The following DYRK1A variants were observed in gnomAD, a reference collection of about 807,000 sequenced individuals.
DYRK1A encodes dual specificity tyrosine phosphorylation regulated kinase 1A, also known as dual specificity tyrosine-phosphorylation-regulated kinase 1A.
In DYRK1A, 9 loss-of-function variants were observed where a neutral mutation model predicts 79.7. The ratio of observed to expected loss-of-function variants is 0.11; its 90% CI spans 0.07 to 0.20. The LOEUF is 0.20. Among genes scored for constraint, DYRK1A ranks in the 10% least tolerant of loss-of-function variants. DYRK1A has a pLI of 1.00. For missense variants in DYRK1A, 622 were observed against 956.0 expected (o/e 0.65, Z 4.61); for synonymous variants, 349 against 329.7 (o/e 1.06, Z -0.63).
At chr21:37,469,611 A>G (rs1183540187) in intron 2 of DYRK1A, among the ~76,000 whole-genome samples, 1 of 152,312 alleles carries the variant, frequency 6.6e-6, no homozygotes, top group Admixed American at 6.5e-5. Context: ...CAATCATGGC[A>G]GAAGGCGTTG....
At chr21:37,467,944 A>G (rs918068905) in intron 2 of DYRK1A, among the ~76,000 whole-genome samples, 5 of 152,162 alleles carry the variant, frequency 3.3e-5, no homozygotes, top group East Asian at 1.9e-4. Context: ...ACATGTGGCT[A>G]TTTGCTACAT....
chr21:37,397,419 T>G (rs1025033816), intron 1 of DYRK1A, among the ~76,000 whole-genome samples: 10 of 152,202 alleles, frequency 6.6e-5, no homozygotes, highest in Non-Finnish European at 1.2e-4. Flanking sequence ...AACCTAAAAC[T>G]AACCAGCCCT....
rs1461039855 is a variant in DYRK1A, at chr21:37,506,214, C to T, written c.1635C>T (p.His545=). Residue 545 remains histidine (H), a synonymous_variant, in exon 11 of 12, where the codon CAC becomes CAT. Coordinates refer to ENST00000647188, the MANE Select transcript of DYRK1A (RefSeq NM_001347721.2). ...TGCAGGCCATGGACTGCGAGACACA[C>T]AGTCCCCAGGTGAGCTCGCACGTGG... The part of the protein sequence containing the change: ...AAVQAMDCET[H]SPQVRQQFPA... 1 of 1,613,992 alleles carries T rather than the reference C, an allele frequency of 6.2e-7. No individual in the cohort carries two copies. The highest frequency in any genetic ancestry group is 8.5e-7 in the Non-Finnish European group (1 of 1,180,026).
intron 1 of DYRK1A, among the ~76,000 whole-genome samples, chr21:37,393,717 AT>A (rs914450644): frequency 3.7e-4 from 57 of 152,248 alleles, no homozygotes; most frequent in African/African-American, 1.3e-3. Context: ...AACAATATTC[AT>A]TTCTTTGCTC....
At chr21:37,407,258 G>GC (rs2050165687) in intron 1 of DYRK1A, among the ~76,000 whole-genome samples, 1 of 152,140 alleles carries the variant, frequency 6.6e-6, no homozygotes, top group South Asian at 2.1e-4. Context: ...ACTGTAGACA[G>GC]CCTGAAGGTA....
At chr21:37,405,390 T>C (rs1384488693) in intron 1 of DYRK1A, among the ~76,000 whole-genome samples, 1 of 152,212 alleles carries the variant, frequency 6.6e-6, no homozygotes, top group African/African-American at 2.4e-5. Flanking sequence ...TCTTCAACTA[T>C]AGGGAGCGAG....
chr21:37,451,512 T>G (rs1048645366), intron 2 of DYRK1A, among the ~76,000 whole-genome samples: 9 of 152,142 alleles, frequency 5.9e-5, no homozygotes, highest in African/African-American at 2.2e-4. Flanking sequence ...ACAGTTGCCC[T>G]CATTATTCAG....
intron 2 of DYRK1A, among the ~76,000 whole-genome samples, chr21:37,434,430 CT>C (rs1374562404): frequency 6.6e-6 from 1 of 152,152 alleles, no homozygotes; most frequent in Non-Finnish European, 1.5e-5. Context: ...AAGCATTTCT[CT>C]GAATATGTGA....
chr21:37,430,194 C>G (rs1171434246), intron 2 of DYRK1A: 1 of 677,194 alleles, frequency 1.5e-6, no homozygotes, highest in South Asian at 6.7e-5. Flanking sequence ...CCACCAGTTA[C>G]TTCCAGCTTG....
chr21:37,426,916 T>TCCC lies in DYRK1A; in HGVS notation c.10+6532_10+6533insCCC, dbSNP rs113094989. On this transcript the variant is annotated intron_variant, in intron 2 of 11. Coordinates refer to ENST00000647188, the MANE Select transcript of DYRK1A (RefSeq NM_001347721.2). Reference sequence around the variant, plus strand: ...GCTTGGGCTAAAGAGCGAGACTCGGTTCTAAAAAAAAAAAAAAAAGAGATG... The same window carrying TCCC: ...GCTTGGGCTAAAGAGCGAGACTCGGTCCCTCTAAAAAAAAAAAAAAAAGAGATG... Among the ~76,000 whole-genome samples the TCCC allele has an allele frequency of 2.4e-5, 3 of 122,844 alleles. No individual in the cohort carries two copies. In the Admixed American group the frequency reaches 2.5e-4, roughly 10 times the overall value. 80.6% of individuals were successfully genotyped at this position (122,844 alleles called of 152,430 possible).
chr21:37,463,909 TAATTA>T (rs1387489064), intron 2 of DYRK1A, among the ~76,000 whole-genome samples: 1 of 152,218 alleles, frequency 6.6e-6, no homozygotes, highest in Non-Finnish European at 1.5e-5. Context: ...GCTATAGTTT[TAATTA>T]AATTATTTTC....
At position 37,478,250 on chromosome 21, in the gene DYRK1A, C is replaced by T. The variant is rs1388649650; in HGVS notation, c.250C>T (p.Leu84=). 1.2e-5 allele frequency: 20 copies of T among 1,614,094 alleles called. No homozygotes were observed. The highest frequency in any genetic ancestry group is 1.5e-5 in the Non-Finnish European group (18 of 1,179,964). The change falls in exon 4 of 12, where the codon CTG becomes TTG. Residue 84 remains leucine (L), a synonymous_variant. Transcript: ENST00000647188. ...QTFRDPATAP[L]RKLSVDLIKT... is the part of the protein sequence containing the mutation. ...CTTCCGTGACCCAGCAACTGCTCCCCTGAGAAAACTTTCTGTTGACTTGAT... is the reference window on the plus strand; with the variant it reads ...CTTCCGTGACCCAGCAACTGCTCCCTTGAGAAAACTTTCTGTTGACTTGAT...
chr21:37,507,511 G>A (rs146078104), intron 11 of DYRK1A, among the ~76,000 whole-genome samples: 4 of 152,092 alleles, frequency 2.6e-5, no homozygotes, highest in African/African-American at 9.6e-5. Flanking sequence ...CAACTCTCCT[G>A]CCGGTGTCAG....
At position 37,520,061 on chromosome 21, in the gene DYRK1A, A is replaced by T. The variant is rs1470932495; in HGVS notation, c.*7530A>T. On this transcript the variant is annotated 3_prime_UTR_variant, in exon 12 of 12. Transcript: ENST00000647188. ...TTTCGGTAGTTTGCTTTGCCTTGAT[A>T]AACTATATGATATTTAAATGTTTTA... The T allele has an allele frequency of 6.6e-6, 1 of 152,156 alleles. No individual in the cohort carries two copies. Among genetic ancestry groups the T allele is most frequent in the African/African-American group, 2.4e-5 (1 of 41,398 alleles). The allele number at this position is 152,156 out of a possible 1,614,324, so 9.4% of individuals were successfully genotyped here.
chr21:37,389,112 A>G (rs1320024136), intron 1 of DYRK1A, among the ~76,000 whole-genome samples: 1 of 151,862 alleles, frequency 6.6e-6, no homozygotes, highest in Non-Finnish European at 1.5e-5. Context: ...TCCTGGGCTC[A>G]AGTGATCCTT....
chr21:37,394,072 T>A (rs1307832108), intron 1 of DYRK1A, among the ~76,000 whole-genome samples: 1 of 152,188 alleles, frequency 6.6e-6, no homozygotes, highest in Non-Finnish European at 1.5e-5. Context: ...AAGAGTGGTT[T>A]ATTGGGCCAC....
chr21:37,512,924 G>GT lies in DYRK1A; in HGVS notation c.*405dup, dbSNP rs59292132. 4.2e-3 allele frequency: 480 copies of GT among 114,206 alleles called. 3 individuals carry two copies. Among genetic ancestry groups the GT allele is most frequent in the African/African-American group, 0.011 (340 of 30,214 alleles). 7.1% of individuals were successfully genotyped at this position (114,206 alleles called of 1,614,324 possible). A position where few individuals can be genotyped will look rare whatever the true frequency, so the allele number is the denominator to read the frequency against. The stretch of plus-strand genomic sequence containing the variant: ...TTTGCATAAAGGGCCCCATGAGGGT[G>GT]TTTTTTTTTTTTCTTTTTGTCCCCC... On this transcript the variant is annotated 3_prime_UTR_variant, in exon 12 of 12. Transcript: ENST00000647188.
intron 2 of DYRK1A, among the ~76,000 whole-genome samples, chr21:37,472,002 G>A (rs775565608): frequency 1.3e-5 from 2 of 152,010 alleles, no homozygotes; most frequent in Non-Finnish European, 2.9e-5. Context: ...TTCCACCATG[G>A]ATATCATGAT....
At chr21:37,420,509 G>A (rs1462672572) in intron 2 of DYRK1A, 125 bp downstream of exon 2, 2 of 943,636 alleles carry the variant, frequency 2.1e-6, no homozygotes, top group Non-Finnish European at 3.3e-6. Context: ...ATCAGTAAAT[G>A]CAAAGGTAGT....
Sources: gnomAD v4.1 joint callset for allele counts (sites outside exome capture counted in the v4.1 genomes callset) on GRCh38, gnomAD v4.1.1 for gene constraint, MANE v1.5 for transcripts, NCBI Gene and HGNC (gene_info 2026-07-23, HGNC 2026-07-21) for gene names.